COA1: variants seen among roughly 807,000 people sequenced by gnomAD.
COA1 encodes cytochrome c oxidase assembly factor 1.
Under a neutral mutation model 16.0 loss-of-function variants are expected in COA1, and 13 were observed. The observed-to-expected ratio is 0.81, with a 90% confidence interval of 0.53 to 1.29. The LOEUF is 1.29. Among genes scored for constraint, COA1 ranks in the 50% most tolerant of loss-of-function variants. COA1 has a pLI of 0.00. For missense variants in COA1, 179 were observed against 177.0 expected, an observed-to-expected ratio of 1.01 and a Z score of -0.06; for synonymous variants, 65 against 65.7, an observed-to-expected ratio of 0.99 and a Z score of 0.05.
At chr7:43,676,790 A>G (rs2093544168) in intron 1 of COA1, among the ~76,000 whole-genome samples, 1 of 152,122 alleles carries the variant, frequency 6.6e-6, no homozygotes, top group South Asian at 2.1e-4. Flanking sequence ...TACAATTAAT[A>G]TGTGTCAATT....
At chr7:43,729,158 A>G (rs994023458) in intron 1 of COA1, among the ~76,000 whole-genome samples, 5 of 152,218 alleles carry the variant, frequency 3.3e-5, no homozygotes, top group African/African-American at 1.2e-4. Context: ...GCTGTTGGGG[A>G]TGGTCAGCAA....
intron 6 of COA1, among the ~76,000 whole-genome samples, chr7:43,633,918 TTCTCCGC>T (rs1363031084): frequency 1.3e-5 from 2 of 152,204 alleles, no homozygotes; most frequent in Non-Finnish European, 2.9e-5. Flanking sequence ...GCAGTCTGTT[TTCTCCGC>T]TCAGATTTTT....
At chr7:43,726,952 C>G (rs887972110) in intron 1 of COA1, among the ~76,000 whole-genome samples, 10 of 152,164 alleles carry the variant, frequency 6.6e-5, no homozygotes, top group Admixed American at 3.3e-4. Flanking sequence ...CATTAGCCAT[C>G]AGGGAAATAC....
At chr7:43,618,452 C>G (rs574975468) in intron 6 of COA1, among the ~76,000 whole-genome samples, 2 of 152,046 alleles carry the variant, frequency 1.3e-5, no homozygotes, top group Non-Finnish European at 2.9e-5. Context: ...CCTTTGGAGC[C>G]GTGACAGATT....
chr7:43,659,205 T>C (rs1015649194), intron 1 of COA1: 1 of 152,196 alleles, frequency 6.6e-6, no homozygotes, highest in African/African-American at 2.4e-5. Context: ...GTTGACAAAT[T>C]ATTAACAGAA....
chr7:43,704,367 G>C (rs1295138489), intron 1 of COA1, among the ~76,000 whole-genome samples: 2 of 152,140 alleles, frequency 1.3e-5, no homozygotes, highest in East Asian at 1.9e-4. Flanking sequence ...TCCCTCTATA[G>C]CAAGGTTGGG....
At chr7:43,646,543 T>C (rs969865901) in intron 3 of COA1, 1 of 456,448 alleles carries the variant, frequency 2.2e-6, no homozygotes, top group Non-Finnish European at 4.4e-6. Context: ...ACCCAGGCAG[T>C]CGGCTGCAGT....
intron 1 of COA1, among the ~76,000 whole-genome samples, chr7:43,653,956 A>G (rs2091307480): frequency 1.3e-5 from 2 of 152,180 alleles, no homozygotes; most frequent in Non-Finnish European, 2.9e-5. Context: ...CATTTAAAAT[A>G]CCTATAAAGA....
At chr7:43,650,935 G>A (rs982034521) in intron 1 of COA1, among the ~76,000 whole-genome samples, 1 of 152,094 alleles carries the variant, frequency 6.6e-6, no homozygotes, top group Non-Finnish European at 1.5e-5. Flanking sequence ...TCAAAGCAGG[G>A]GTTGGGGTGT....
chr7:43,631,772 G>A (rs2085195908), intron 6 of COA1: 1 of 152,166 alleles, frequency 6.6e-6, no homozygotes, highest in Non-Finnish European at 1.5e-5. Context: ...ATCACTTTCA[G>A]TTCCAGACCA....
chr7:43,667,861 T>C (rs191570521), intron 1 of COA1, among the ~76,000 whole-genome samples: 266 of 152,350 alleles, frequency 1.7e-3, no homozygotes, highest in African/African-American at 6.0e-3. Context: ...ATTTTAACTA[T>C]TTATGGCCTT....
At chr7:43,700,124 T>G (rs1052640638) in intron 1 of COA1, among the ~76,000 whole-genome samples, 4 of 152,262 alleles carry the variant, frequency 2.6e-5, no homozygotes, top group African/African-American at 9.6e-5. Flanking sequence ...TTAATGGAGC[T>G]TGTCCAAATT....
intron 1 of COA1, among the ~76,000 whole-genome samples, chr7:43,709,750 T>C (rs966918095): frequency 1.3e-5 from 2 of 152,184 alleles, no homozygotes; most frequent in African/African-American, 2.4e-5. Context: ...AAGAGTATCT[T>C]GGCTCTTCTT....
intron 4 of COA1, among the ~76,000 whole-genome samples, chr7:43,644,791 C>CAGACAGACAGACAG (rs1563229816): frequency 1.3e-4 from 3 of 23,684 alleles, no homozygotes; most frequent in Non-Finnish European, 2.7e-4. Flanking sequence ...GGCAGGCAGG[C>CAGACAGACAGACAG]AGAGAGACAG....
intron 1 of COA1, among the ~76,000 whole-genome samples, chr7:43,708,657 AAGT>A (rs568884969): frequency 7.2e-5 from 11 of 152,048 alleles, no homozygotes; most frequent in South Asian, 2.1e-4. Flanking sequence ...CTTTTTGGTG[AAGT>A]GCCTGTTCAA....
chr7:43,621,131 A>T (rs1029967048), intron 6 of COA1, among the ~76,000 whole-genome samples: 2 of 152,254 alleles, frequency 1.3e-5, no homozygotes, highest in African/African-American at 4.8e-5. Flanking sequence ...TGGCAATGAT[A>T]GTTCAAAAAA....
chr7:43,670,179 T>C (rs1293963048), intron 1 of COA1, among the ~76,000 whole-genome samples: 1 of 152,208 alleles, frequency 6.6e-6, no homozygotes, highest in Non-Finnish European at 1.5e-5. Context: ...CCAGGCACAG[T>C]GGTTCACGCC....
intron 6 of COA1, among the ~76,000 whole-genome samples, chr7:43,613,923 A>G (rs1272826206): frequency 6.6e-6 from 1 of 152,172 alleles, no homozygotes; most frequent in Non-Finnish European, 1.5e-5. Flanking sequence ...TCCATATGAG[A>G]TTTAAATTTG....
At chr7:43,710,377 T>A (rs867764472) in intron 1 of COA1, among the ~76,000 whole-genome samples, 1,020 of 89,798 alleles carry the variant, frequency 0.011, 7 homozygotes, top group Non-Finnish European at 0.02. Flanking sequence ...AAAAAAAAAA[T>A]ATATATATAT....
Sources: gnomAD v4.1 joint callset for allele counts (sites outside exome capture counted in the v4.1 genomes callset) on GRCh38, gnomAD v4.1.1 for gene constraint, MANE v1.5 for transcripts, NCBI Gene and HGNC (gene_info 2026-07-23, HGNC 2026-07-21) for gene names.